The following C4BPB variants were observed in gnomAD, a reference collection of about 807,000 sequenced individuals.
The protein encoded by C4BPB is C4b-binding protein beta chain.
A neutral mutation model predicts 26.6 loss-of-function variants in C4BPB; 19 were observed. The ratio of observed to expected loss-of-function variants is 0.71; its 90% CI spans 0.50 to 1.05. C4BPB has a LOEUF of 1.05. Ranked by LOEUF, C4BPB falls within the 50% of genes least tolerant of loss-of-function variation. The pLI, the probability that C4BPB is intolerant of heterozygous loss-of-function variation, is 0.00. For synonymous variants in C4BPB, 118 were observed against 103.5 expected (o/e 1.14, Z -0.85); for missense variants, 282 against 302.9 (o/e 0.93, Z 0.51).
At chr1:207,095,447 C>T (rs778003825) in intron 4 of C4BPB, 2 of 455,624 alleles carry the variant, frequency 4.4e-6, no homozygotes, top group Non-Finnish European at 8.8e-6. Flanking sequence ...TCTCATGCCT[C>T]AGCCTCCCAA....
intron 2 of C4BPB, 125 bp from the exon 3 acceptor site, chr1:207,090,183 C>T: frequency 1.3e-6 from 1 of 743,684 alleles, no homozygotes; most frequent in East Asian, 2.8e-5. Flanking sequence ...ATACAGAGTA[C>T]TTGGGAAGAG....
At chr1:207,097,261 G>A (rs1409942375) in intron 5 of C4BPB, among the ~76,000 whole-genome samples, 1 of 151,944 alleles carries the variant, frequency 6.6e-6, no homozygotes, top group African/African-American at 2.4e-5. Flanking sequence ...CACCCAGGCT[G>A]GAGTGCAGTG....
At chr1:207,098,304 T>A in intron 6 of C4BPB, 40 bp downstream of exon 6, 2 of 1,228,580 alleles carry the variant, frequency 1.6e-6, no homozygotes, top group Non-Finnish European at 2.4e-6. Context: ...CACAGCTGGA[T>A]CTCCAGGGCC....
intron 5 of C4BPB, among the ~76,000 whole-genome samples, 193 bp downstream of exon 5, chr1:207,096,808 A>G (rs1023284114): frequency 6.6e-6 from 1 of 152,190 alleles, no homozygotes; most frequent in Non-Finnish European, 1.5e-5. Context: ...TGATCCTACT[A>G]AAGTATCCTA....
At chr1:207,097,181 T>C (rs116672304) in intron 5 of C4BPB, among the ~76,000 whole-genome samples, 1 of 151,990 alleles carries the variant, frequency 6.6e-6, no homozygotes, top group African/African-American at 2.4e-5. Context: ...TTAAAATAAA[T>C]AAATAAATAA....
intron 4 of C4BPB, among the ~76,000 whole-genome samples, chr1:207,092,970 G>T (rs1684098618): frequency 6.6e-6 from 1 of 151,970 alleles, no homozygotes; most frequent in South Asian, 2.1e-4. Flanking sequence ...ATGATTGCTG[G>T]ATCACAGGAT....
intron 4 of C4BPB, 64 bp from the exon 5 acceptor site, chr1:207,096,458 G>A (rs1029085490): frequency 2.1e-6 from 2 of 937,718 alleles, no homozygotes; most frequent in Non-Finnish European, 3.5e-6. Flanking sequence ...GCTGCAATTA[G>A]GGGTGCTGTT....
rs1472527034 is a variant in C4BPB at position 207,096,521 on chromosome 1, G to C, written c.410-1G>C. The C allele has an allele frequency of 1.9e-6, 3 of 1,586,188 alleles. No homozygotes were observed. Among genetic ancestry groups the C allele is most frequent in the Non-Finnish European group, 2.6e-6 (3 of 1,155,970 alleles). ...ATGACTTCTATACTCGTTTCTCTCA[G>C]GGGACTGTGACCCTCCTGGGAATCC... On this transcript the variant is annotated splice_acceptor_variant, in intron 4 of 6. Transcript: ENST00000367078. LOFTEE classifies it high-confidence loss of function.
intron 6 of C4BPB, 143 bp from the exon 7 acceptor site, chr1:207,099,646 C>A: frequency 1.8e-6 from 1 of 549,372 alleles, no homozygotes; most frequent in Non-Finnish European, 3.2e-6. Flanking sequence ...AATGATTTGC[C>A]ATGTTGAAAA....
rs55928277 is a variant in C4BPB at position 207,096,480 on chromosome 1, C to T, written c.410-42C>T. ...TTAGGGGTGCTGTTCATTGAGCGTG[C>T]CTGGCCCTCATAACTATGACTTCTA... On this transcript the variant is annotated intron_variant, in intron 4 of 6. Coordinates refer to ENST00000367078, the MANE Select transcript of C4BPB (RefSeq NM_001017365.3). 7.2e-3 allele frequency: 8,645 copies of T among 1,196,612 alleles called. 452 individuals are homozygous for T. In the African/African-American group the frequency reaches 0.11, roughly 16 times the overall value. 74.1% of individuals were successfully genotyped at this position (1,196,612 alleles called of 1,614,324 possible).
intron 1 of C4BPB, 76 bp from the exon 2 acceptor site, chr1:207,089,406 A>G: frequency 1.4e-6 from 1 of 732,544 alleles, no homozygotes; most frequent in Non-Finnish European, 2.4e-6. Context: ...GTAAATCAAT[A>G]TAACCTCTTC....
chr1:207,095,011 C>T, intron 4 of C4BPB: 1 of 254,914 alleles, frequency 3.9e-6, no homozygotes. Context: ...CTTTCATCAT[C>T]TGCTGTTTTT....
intron 3 of C4BPB, among the ~76,000 whole-genome samples, chr1:207,091,145 C>T (rs562223345): frequency 6.6e-6 from 1 of 152,248 alleles, no homozygotes; most frequent in Admixed American, 6.5e-5. Context: ...CTCTTGTATA[C>T]CTAGAGTAGA....
At chr1:207,097,540 TAAAAA>T (rs36078505) in intron 5 of C4BPB, among the ~76,000 whole-genome samples, 1,405 of 115,852 alleles carry the variant, frequency 0.012, 13 homozygotes, top group African/African-American at 0.032. Context: ...TATGTTTTTC[TAAAAA>T]AAAAAAAAAA....
intron 2 of C4BPB, 26 bp from the exon 3 acceptor site, chr1:207,090,282 T>G (rs767265742): frequency 1.1e-5 from 18 of 1,574,096 alleles, no homozygotes; most frequent in Non-Finnish European, 1.6e-5. Flanking sequence ...ATATGCCAAG[T>G]GAATCTGTTT....
intron 4 of C4BPB, chr1:207,095,481 C>A (rs757191209): frequency 6.6e-6 from 3 of 451,742 alleles, no homozygotes; most frequent in African/African-American, 2.0e-5. Context: ...CAGGTGCGCA[C>A]CCACGCTGGG....
intron 5 of C4BPB, among the ~76,000 whole-genome samples, chr1:207,097,473 A>T (rs1367847645): frequency 6.6e-6 from 1 of 151,374 alleles, no homozygotes; most frequent in Non-Finnish European, 1.5e-5. Flanking sequence ...TTGGTTTCCC[A>T]AAGTCCTGGA....
chr1:207,096,269 C>T, intron 4 of C4BPB: 1 of 462,724 alleles, frequency 2.2e-6, no homozygotes, highest in Non-Finnish European at 3.9e-6. Context: ...GATAATACTC[C>T]CAAATCCCTA....
intron 4 of C4BPB, among the ~76,000 whole-genome samples, chr1:207,092,679 G>GTGCA (rs200215351): frequency 0.033 from 4,848 of 148,622 alleles, 244 homozygotes; most frequent in African/African-American, 0.11. Flanking sequence ...CCAGGCTGGA[G>GTGCA]TGCAGTGGTG....
Sources: allele counts gnomAD v4.1 joint callset (sites outside exome capture counted in the v4.1 genomes callset), GRCh38; gene constraint gnomAD v4.1.1; transcripts MANE v1.5; gene names NCBI Gene and HGNC (gene_info 2026-07-23, HGNC 2026-07-21).